SYNDIG1: variants seen among roughly 807,000 people sequenced by gnomAD.
The protein encoded by SYNDIG1 is synapse differentiation-inducing gene protein 1.
Under a neutral mutation model 19.4 loss-of-function variants are expected in SYNDIG1, and 9 were observed. The ratio of observed to expected loss-of-function variants is 0.46; its 90% confidence interval spans 0.28 to 0.81. The LOEUF is 0.81. SYNDIG1 is among the 30% of genes least tolerant of loss of function. The pLI is 0.12. For missense variants in SYNDIG1, 311 were observed against 343.3 expected (o/e 0.91, Z 0.74); for synonymous variants, 141 against 145.9 (o/e 0.97, Z 0.24).
chr20:24,534,109 AC>A (rs1457908556), intron 1 of SYNDIG1, among the ~76,000 whole-genome samples: 1 of 152,138 alleles, frequency 6.6e-6, no homozygotes, highest in Non-Finnish European at 1.5e-5. Context: ...ACCAGCTCTT[AC>A]GAGAGCTTAT....
At chr20:24,644,640 G>A (rs757906921) in intron 3 of SYNDIG1, among the ~76,000 whole-genome samples, 8 of 152,218 alleles carry the variant, frequency 5.3e-5, no homozygotes, top group East Asian at 1.9e-4. Flanking sequence ...ACATGGAAAG[G>A]CCACTTGTAG....
chr20:24,660,053 G>A (rs532417866), intron 3 of SYNDIG1, among the ~76,000 whole-genome samples: 104 of 152,216 alleles, frequency 6.8e-4, no homozygotes, highest in East Asian at 1.2e-3. Context: ...TGCCGAGTCC[G>A]GCTTCGTTTG....
intron 1 of SYNDIG1, among the ~76,000 whole-genome samples, chr20:24,489,434 TACATGCACACACAGAC>T (rs1339326317): frequency 2.7e-5 from 4 of 150,032 alleles, no homozygotes; most frequent in Non-Finnish European, 4.4e-5. Flanking sequence ...GACACATAGA[TACATGCACACACAGAC>T]ACATGCACAC....
chr20:24,553,316 G>T (rs887484272), intron 2 of SYNDIG1, among the ~76,000 whole-genome samples: 7 of 152,096 alleles, frequency 4.6e-5, no homozygotes, highest in Non-Finnish European at 7.4e-5. Flanking sequence ...TTAGTTTAAT[G>T]AGATCCCATT....
Position 24,490,177 on chromosome 20 carries a change from G to A in SYNDIG1, c.-79+20424G>A, listed in dbSNP as rs142715961. 1.9e-3 allele frequency among the ~76,000 whole-genome samples: 296 copies of A among 152,344 alleles called. 2 individuals are homozygous for A. The highest frequency in any genetic ancestry group is 6.4e-3 in the African/African-American group (268 of 41,582). On this transcript the variant is annotated intron_variant, in intron 1 of 3. Transcript: ENST00000376862. ...AGAAGGCCCAGCGGAGTGCCTCTGCGGGTCTGGTTTGTCATGGAGGGATCA... is the reference window on the plus strand; with the variant it reads ...AGAAGGCCCAGCGGAGTGCCTCTGCAGGTCTGGTTTGTCATGGAGGGATCA...
chr20:24,551,189 T>G (rs1362243910), intron 2 of SYNDIG1, among the ~76,000 whole-genome samples: 1 of 152,226 alleles, frequency 6.6e-6, no homozygotes, highest in Non-Finnish European at 1.5e-5. Context: ...ACTTTACTAG[T>G]TTAAGTCTCT....
At chr20:24,505,618 G>A (rs981734567) in intron 1 of SYNDIG1, among the ~76,000 whole-genome samples, 12 of 152,292 alleles carry the variant, frequency 7.9e-5, no homozygotes, top group African/African-American at 1.7e-4. Flanking sequence ...GGTGGCTTCC[G>A]CCCATATTTG....
intron 1 of SYNDIG1, among the ~76,000 whole-genome samples, chr20:24,479,076 T>C (rs1600383483): frequency 6.6e-6 from 1 of 152,176 alleles, no homozygotes; most frequent in Non-Finnish European, 1.5e-5. Flanking sequence ...TACAGAAATA[T>C]ATATTTGGTG....
chr20:24,640,482 G>GAAGGAAGA (rs2059364160), intron 3 of SYNDIG1, among the ~76,000 whole-genome samples: 1 of 41,188 alleles, frequency 2.4e-5, no homozygotes, highest in South Asian at 8.1e-4. Context: ...AAGAAGGAAG[G>GAAGGAAGA]AAGGAAGGAA....
intron 3 of SYNDIG1, among the ~76,000 whole-genome samples, chr20:24,640,839 A>G (rs551632510): frequency 1.3e-5 from 2 of 152,296 alleles, no homozygotes; most frequent in African/African-American, 4.8e-5. Flanking sequence ...CACAGGCACA[A>G]AACAGCCACC....
At chr20:24,623,730 A>G (rs1296958489) in intron 3 of SYNDIG1, among the ~76,000 whole-genome samples, 1 of 152,186 alleles carries the variant, frequency 6.6e-6, no homozygotes. Flanking sequence ...GATGTATACT[A>G]TGAACCCTGG....
At chr20:24,489,223 C>T (rs570249835) in intron 1 of SYNDIG1, among the ~76,000 whole-genome samples, 15 of 152,300 alleles carry the variant, frequency 9.8e-5, no homozygotes, top group Admixed American at 2.6e-4. Flanking sequence ...TGCATGCACA[C>T]CGACATGTAG....
In SYNDIG1 at chr20:24,568,491, A is replaced by G. The variant is rs533164563; in HGVS notation, c.481-16365A>G. On this transcript the variant is annotated intron_variant, in intron 2 of 3. Transcript: ENST00000376862. Reference sequence around the variant, plus strand: ...ATCCTCTCATTTTTATTCCCTTCTCATAACACCTGGAGTCAAGTCTGAACA... The same window carrying G: ...ATCCTCTCATTTTTATTCCCTTCTCGTAACACCTGGAGTCAAGTCTGAACA... Among the ~76,000 whole-genome samples, 10 of 152,266 alleles carry G rather than the reference A, an allele frequency of 6.6e-5. No individual in the cohort carries two copies. In the East Asian group the frequency reaches 1.9e-3, roughly 29 times the overall value.
chr20:24,574,451 T>C (rs972023653), intron 2 of SYNDIG1, among the ~76,000 whole-genome samples: 1 of 152,054 alleles, frequency 6.6e-6, no homozygotes, highest in Non-Finnish European at 1.5e-5. Context: ...ATTGTGCCAC[T>C]GCATTCCAGC....
At chr20:24,629,028 A>G (rs992251150) in intron 3 of SYNDIG1, among the ~76,000 whole-genome samples, 1 of 152,270 alleles carries the variant, frequency 6.6e-6, no homozygotes, top group African/African-American at 2.4e-5. Context: ...GCTACTCTGT[A>G]TCTGTCCACG....
chr20:24,518,016 A>C (rs1184293305), intron 1 of SYNDIG1, among the ~76,000 whole-genome samples: 2 of 151,654 alleles, frequency 1.3e-5, no homozygotes, highest in Non-Finnish European at 2.9e-5. Context: ...CGTGTTAGCC[A>C]GTATGGGTCT....
intron 1 of SYNDIG1, among the ~76,000 whole-genome samples, chr20:24,526,590 G>T (rs1568611692): frequency 6.6e-6 from 1 of 152,026 alleles, no homozygotes; most frequent in Non-Finnish European, 1.5e-5. Context: ...TATAGATATA[G>T]ATATATAGAT....
At chr20:24,517,704 A>ATG (rs201688238) in intron 1 of SYNDIG1, among the ~76,000 whole-genome samples, 1,953 of 144,762 alleles carry the variant, frequency 0.013, 44 homozygotes, top group African/African-American at 0.046. Flanking sequence ...ACACATATAT[A>ATG]TGTGTATATA....
chr20:24,506,692 C>T (rs2146425044), intron 1 of SYNDIG1, among the ~76,000 whole-genome samples: 1 of 152,262 alleles, frequency 6.6e-6, no homozygotes, highest in African/African-American at 2.4e-5. Flanking sequence ...CCCATGGGTT[C>T]CCTCTGGTTT....
Sources: allele counts gnomAD v4.1 joint callset (sites outside exome capture counted in the v4.1 genomes callset), GRCh38; gene constraint gnomAD v4.1.1; transcripts MANE v1.5; gene names NCBI Gene and HGNC (gene_info 2026-07-23, HGNC 2026-07-21).